NCKAP5: variants seen among roughly 807,000 people sequenced by gnomAD.
NCKAP5 encodes the protein NCK associated protein 5.
In NCKAP5, 92 loss-of-function variants were observed where a neutral mutation model predicts 167.0. That is an observed-to-expected ratio of 0.55 (90% CI 0.47 to 0.66). NCKAP5 has a LOEUF of 0.66. Among genes scored for constraint, NCKAP5 ranks in the 30% least tolerant of loss-of-function variants. NCKAP5 has a pLI of 0.00. For missense variants in NCKAP5, 2,378 were observed against 2,315.0 expected, an observed-to-expected ratio of 1.03 and a Z score of -0.56; for synonymous variants, 891 against 877.4, an observed-to-expected ratio of 1.02 and a Z score of -0.27.
intron 5 of NCKAP5, among the ~76,000 whole-genome samples, chr2:133,176,919 T>TG (rs1217714422): frequency 3.3e-5 from 5 of 152,148 alleles, no homozygotes; most frequent in African/African-American, 1.2e-4. Context: ...CAAATACATT[T>TG]AATTCCATAT....
At chr2:133,594,259 C>T in the NCKAP5 span, among the ~76,000 whole-genome samples, 11 of 152,168 alleles carry the variant, frequency 7.2e-5, no homozygotes, top group East Asian at 1.9e-4. Flanking sequence ...GGCTGACTCT[C>T]GACTTCGTTG....
intron 8 of NCKAP5, among the ~76,000 whole-genome samples, chr2:132,882,916 T>G (rs1474583459): frequency 6.6e-6 from 1 of 152,020 alleles, no homozygotes; most frequent in African/African-American, 2.4e-5. Flanking sequence ...CCGGGTGTGG[T>G]GATTACAGGC....
intron 11 of NCKAP5, among the ~76,000 whole-genome samples, chr2:132,817,388 G>A (rs924480612): frequency 5.9e-5 from 9 of 152,034 alleles, no homozygotes; most frequent in Non-Finnish European, 1.0e-4. Context: ...TCAAATGCTG[G>A]TTTATCACTA....
At chr2:133,330,837 C>T (rs2150723080) in intron 3 of NCKAP5, among the ~76,000 whole-genome samples, 1 of 152,228 alleles carries the variant, frequency 6.6e-6, no homozygotes, top group South Asian at 2.1e-4. Context: ...TTTAAGTTTG[C>T]AGTGAGCTAT....
chr2:132,907,370 G>A (rs942883516), intron 8 of NCKAP5, among the ~76,000 whole-genome samples: 2 of 152,170 alleles, frequency 1.3e-5, no homozygotes, highest in Non-Finnish European at 2.9e-5. Flanking sequence ...AAGATCACGC[G>A]GGTAGCAAAG....
intron 3 of NCKAP5, among the ~76,000 whole-genome samples, chr2:133,492,143 T>TTGTGTG (rs780998843): frequency 1.4e-4 from 12 of 84,436 alleles, no homozygotes; most frequent in Non-Finnish European, 2.5e-4. Context: ...CATATCTAGT[T>TTGTGTG]AGTGTGTGTG....
At chr2:133,058,126 A>G (rs1248473833) in intron 6 of NCKAP5, among the ~76,000 whole-genome samples, 1 of 149,790 alleles carries the variant, frequency 6.7e-6, no homozygotes, top group Non-Finnish European at 1.5e-5. Context: ...ACTGCTTAGA[A>G]AAAAAAAAAT....
chr2:133,241,718 T>C (rs983256621), intron 4 of NCKAP5, among the ~76,000 whole-genome samples: 9 of 152,180 alleles, frequency 5.9e-5, no homozygotes, highest in Admixed American at 5.9e-4. Flanking sequence ...TTCTTTCACA[T>C]ATCCCAGGAA....
chr2:132,732,544 G>T (rs987446416), intron 16 of NCKAP5, among the ~76,000 whole-genome samples: 15 of 152,166 alleles, frequency 9.9e-5, no homozygotes, highest in African/African-American at 3.6e-4. Context: ...CCCCCTTCAT[G>T]TAATATGAGA....
rs538964667 is a variant in NCKAP5, at chr2:132,834,761, T to C, written c.807+25731A>G. 5.3e-5 allele frequency among the ~76,000 whole-genome samples: 8 copies of C among 152,334 alleles called. No individual in the cohort carries two copies. In the East Asian group the frequency reaches 1.5e-3, roughly 29 times the overall value. On this transcript the variant is annotated intron_variant, in intron 11 of 19. Transcript: ENST00000409261. The stretch of plus-strand genomic sequence containing the variant: ...GCCTCAGCTTCCCAAAGGCTGGGAT[T>C]ACTATAGATGTGAACTACCACACCC...
chr2:133,382,516 C>T (rs1376869541), intron 3 of NCKAP5, among the ~76,000 whole-genome samples: 1 of 152,160 alleles, frequency 6.6e-6, no homozygotes, highest in East Asian at 1.9e-4. Context: ...ACTCTCTGCA[C>T]ACCACACTGG....
intron 6 of NCKAP5, among the ~76,000 whole-genome samples, chr2:133,012,648 T>G (rs1355991750): frequency 1.3e-5 from 2 of 152,120 alleles, no homozygotes. Context: ...GAAGTTTTGC[T>G]CTCCCTTGCC....
At chr2:132,688,607 C>G (rs1350246493) in intron 19 of NCKAP5, among the ~76,000 whole-genome samples, 1 of 152,036 alleles carries the variant, frequency 6.6e-6, no homozygotes, top group African/African-American at 2.4e-5. Flanking sequence ...ATGTTCTTAG[C>G]CTGCGGGGTT....
chr2:133,556,930 T>A (rs13021524), intron 2 of NCKAP5: 1 of 152,130 alleles, frequency 6.6e-6, no homozygotes, highest in Middle Eastern at 3.4e-3. Flanking sequence ...TATAATTTTC[T>A]CTTCTCAAGA....
At chr2:133,097,535 C>T (rs1190449897) in intron 6 of NCKAP5, among the ~76,000 whole-genome samples, 2 of 152,128 alleles carry the variant, frequency 1.3e-5, no homozygotes, top group Admixed American at 6.5e-5. Flanking sequence ...GACATTAACT[C>T]CTTAATGTTT....
Position 132,882,624 on chromosome 2 carries a change from C to T in NCKAP5, c.580-3708G>A, listed in dbSNP as rs149667195. Among the ~76,000 whole-genome samples the T allele has an allele frequency of 3.9e-5, 6 of 152,200 alleles. No homozygotes were observed. The East Asian group carries it at 7.7e-4, about 20-fold the overall frequency. On this transcript the variant is annotated intron_variant, in intron 8 of 19. Transcript: ENST00000409261. Reference sequence around the variant, plus strand: ...TACTAAGTTGGTTTTTCCCCTCCTCCCCTTTTAGTGTGTTTATATTATTCA... The same window carrying T: ...TACTAAGTTGGTTTTTCCCCTCCTCTCCTTTTAGTGTGTTTATATTATTCA...
rs373983225 is a variant in NCKAP5 at position 133,042,683 on chromosome 2, T to G, written c.342-48444A>C. On this transcript the variant is annotated intron_variant, in intron 6 of 19. Coordinates refer to ENST00000409261, the MANE Select transcript of NCKAP5 (RefSeq NM_207363.3). ...GCACACACACGTGTGCTTTCTAAAT[T>G]TCTCATAATTAAGGACTAATATTAA... Among the ~76,000 whole-genome samples the G allele has an allele frequency of 7.2e-5, 11 of 152,182 alleles. No homozygotes were observed. The South Asian group carries it at 8.3e-4, about 11-fold the overall frequency.
At position 132,794,648 on chromosome 2, in the gene NCKAP5, TACACAC is replaced by T. The variant is rs4057986; in HGVS notation, c.909+1974_909+1979del. On this transcript the variant is annotated intron_variant, in intron 12 of 19. Transcript: ENST00000409261. ...GAGACTTCATCTCAACAACAACAAA[TACACAC>T]ACACACACACACACACACACACACA... Among the ~76,000 whole-genome samples the T allele has an allele frequency of 5.3e-3, 749 of 142,568 alleles. 7 individuals are homozygous for T. Among genetic ancestry groups the T allele is most frequent in the African/African-American group, 0.018 (679 of 38,486 alleles). The allele number at this position is 142,568 out of a possible 152,430, so 93.5% of individuals were successfully genotyped here.
At chr2:133,322,201 T>G (rs1377214864) in intron 3 of NCKAP5, among the ~76,000 whole-genome samples, 1 of 152,166 alleles carries the variant, frequency 6.6e-6, no homozygotes, top group African/African-American at 2.4e-5. Context: ...ACACCAATAC[T>G]TAAGTCAAAT....
Sources: allele counts gnomAD v4.1 joint callset (sites outside exome capture counted in the v4.1 genomes callset), GRCh38; gene constraint gnomAD v4.1.1; transcripts MANE v1.5; gene names NCBI Gene and HGNC (gene_info 2026-07-23, HGNC 2026-07-21).